The following SMAD6 variants were observed in gnomAD, a reference collection of about 807,000 sequenced individuals.
SMAD6 encodes MAD homolog 6.
Under a neutral mutation model 39.4 loss-of-function variants are expected in SMAD6, and 103 were observed. The ratio of observed to expected loss-of-function variants is 2.62; its 90% CI spans 2.23 to 3.08. The LOEUF is 3.08. Ranked by LOEUF, SMAD6 falls within the 30% of genes most tolerant of loss-of-function variation. The probability of loss-of-function intolerance (pLI) is 0.00; values close to 1 mark genes in which losing one functional copy is unlikely to be tolerated. For synonymous variants in SMAD6, 445 were observed against 353.3 expected, an observed-to-expected ratio of 1.26 and a Z score of -2.91; for missense variants, 1,104 against 742.9, an observed-to-expected ratio of 1.49 and a Z score of -5.65.
intron 3 of SMAD6, among the ~76,000 whole-genome samples, chr15:66,775,350 T>C (rs1037327093): frequency 6.6e-6 from 1 of 152,206 alleles, no homozygotes; most frequent in African/African-American, 2.4e-5. Context: ...TGGCTGGATG[T>C]GCCTAGTTTT....
At chr15:66,740,231 T>C (rs1452833970) in intron 3 of SMAD6, among the ~76,000 whole-genome samples, 1 of 152,224 alleles carries the variant, frequency 6.6e-6, no homozygotes, top group Non-Finnish European at 1.5e-5. Context: ...TGCCCAGTCC[T>C]GTGGACATCC....
At chr15:66,726,637 A>G (rs967879485) in intron 3 of SMAD6, among the ~76,000 whole-genome samples, 5 of 152,026 alleles carry the variant, frequency 3.3e-5, no homozygotes, top group Non-Finnish European at 7.4e-5. Flanking sequence ...CTCTGAGTCT[A>G]AAGGTAGCAC....
At chr15:66,722,655 G>A (rs752495558) in intron 3 of SMAD6, among the ~76,000 whole-genome samples, 4 of 152,176 alleles carry the variant, frequency 2.6e-5, no homozygotes, top group South Asian at 2.1e-4. Flanking sequence ...TCAATCCCTC[G>A]CCATGTGTCT....
At chr15:66,734,229 C>T (rs1310992349) in intron 3 of SMAD6, among the ~76,000 whole-genome samples, 3 of 152,182 alleles carry the variant, frequency 2.0e-5, no homozygotes, top group South Asian at 2.1e-4. Flanking sequence ...CTTGGAAATT[C>T]GGGTTTTGGC....
chr15:66,736,296 C>T (rs1893710997), intron 3 of SMAD6, among the ~76,000 whole-genome samples: 1 of 152,174 alleles, frequency 6.6e-6, no homozygotes. Flanking sequence ...CGTGATGTGT[C>T]CCATCCAATA....
At position 66,781,151 on chromosome 15, in the gene SMAD6, C is replaced by T; in HGVS notation, c.1107C>T (p.Gly369=). ...DLPQGSGFCL[G]QLNLEQRSES... ...CTCAGGGCAGCGGCTTCTGCCTGGG[C>T]CAGCTCAACCTGGAGCAGCGCAGCG... The change falls in exon 4 of 4, where the codon GGC becomes GGT. Residue 369 remains glycine (G), a synonymous_variant. Coordinates refer to ENST00000288840, the MANE Select transcript of SMAD6 (RefSeq NM_005585.5). The T allele has an allele frequency of 6.2e-7, 1 of 1,608,190 alleles. No individual in the cohort carries two copies. Among genetic ancestry groups the T allele is most frequent in the Non-Finnish European group, 8.5e-7 (1 of 1,179,732 alleles).
chr15:66,767,864 AAGGC>A (rs1894314641), intron 3 of SMAD6, among the ~76,000 whole-genome samples: 5 of 152,066 alleles, frequency 3.3e-5, no homozygotes, highest in Non-Finnish European at 7.4e-5. Context: ...TGTATAACAA[AAGGC>A]TATTTTAAAG....
intron 3 of SMAD6, among the ~76,000 whole-genome samples, chr15:66,744,893 C>T (rs1893881304): frequency 6.6e-6 from 1 of 152,196 alleles, no homozygotes; most frequent in Non-Finnish European, 1.5e-5. Flanking sequence ...GACTGAGCCT[C>T]AGTTTTCTTA....
At chr15:66,717,862 A>G (rs756405369) in intron 3 of SMAD6, among the ~76,000 whole-genome samples, 4 of 152,262 alleles carry the variant, frequency 2.6e-5, no homozygotes, top group Non-Finnish European at 4.4e-5. Context: ...TTCCTTCTCT[A>G]ATAATTTATT....
At chr15:66,757,177 GAC>G (rs1894115630) in intron 3 of SMAD6, among the ~76,000 whole-genome samples, 2 of 152,172 alleles carry the variant, frequency 1.3e-5, no homozygotes, top group Admixed American at 6.5e-5. Context: ...GCTGGTGTGA[GAC>G]ACGCAAAACA....
At chr15:66,736,639 T>G (rs561675649) in intron 3 of SMAD6, among the ~76,000 whole-genome samples, 7 of 151,944 alleles carry the variant, frequency 4.6e-5, no homozygotes, top group Non-Finnish European at 8.8e-5. Context: ...AGAGTCCCTG[T>G]TAGACACTCT....
At chr15:66,742,305 CA>C (rs1156374062) in intron 3 of SMAD6, among the ~76,000 whole-genome samples, 1 of 152,156 alleles carries the variant, frequency 6.6e-6, no homozygotes, top group African/African-American at 2.4e-5. Flanking sequence ...ATAATCCCAC[CA>C]ATGTCTGGTT....
chr15:66,773,527 A>T (rs762093471), intron 3 of SMAD6, among the ~76,000 whole-genome samples: 7 of 152,188 alleles, frequency 4.6e-5, no homozygotes, highest in Non-Finnish European at 8.8e-5. Flanking sequence ...TCTAAGTTTG[A>T]TAACAAAAAC....
intron 3 of SMAD6, among the ~76,000 whole-genome samples, chr15:66,743,695 T>G (rs1250304498): frequency 6.6e-6 from 1 of 152,180 alleles, no homozygotes; most frequent in African/African-American, 2.4e-5. Context: ...ATTATATTAT[T>G]CTTCTTAAAA....
chr15:66,742,903 C>T, intron 3 of SMAD6, among the ~76,000 whole-genome samples: 1 of 152,140 alleles, frequency 6.6e-6, no homozygotes, highest in East Asian at 1.9e-4. Context: ...ATCTTCAGCC[C>T]CAAAATCTTC....
intron 2 of SMAD6, among the ~76,000 whole-genome samples, chr15:66,713,846 G>A (rs921244345): frequency 6.6e-6 from 1 of 152,214 alleles, no homozygotes; most frequent in South Asian, 2.1e-4. Flanking sequence ...CATGAATGGG[G>A]GAGCCTTAGT....
chr15:66,736,937 G>A (rs1427851198), intron 3 of SMAD6, among the ~76,000 whole-genome samples: 3 of 152,114 alleles, frequency 2.0e-5, no homozygotes, highest in Non-Finnish European at 4.4e-5. Flanking sequence ...CAAAGTGCTG[G>A]GATTACAGGC....
rs747550378 is a variant in SMAD6 at position 66,703,354 on chromosome 15, C to T, written c.96C>T (p.Gly32=). The change falls in exon 1 of 4, where the codon GGC becomes GGT. Residue 32 remains glycine (G), a synonymous_variant. Transcript: ENST00000288840. ...AAGGCGGCAGCGGCGGCGGCGGTGG[C>T]GGCGACGAGGATGGGAGCTTGGGCA... is the stretch of plus-strand genomic sequence containing the variant. ...REEGGSGGGG[G]GDEDGSLGSR... is the part of the protein sequence containing the mutation. 2 of 1,479,086 alleles carry T rather than the reference C, an allele frequency of 1.4e-6. No homozygotes were observed. The highest frequency in any genetic ancestry group is 2.6e-5 in the South Asian group (2 of 76,464). 91.6% of individuals were successfully genotyped at this position (1,479,086 alleles called of 1,614,324 possible).
intron 3 of SMAD6, among the ~76,000 whole-genome samples, chr15:66,764,091 G>A (rs1043947737): frequency 3.3e-5 from 5 of 152,336 alleles, no homozygotes; most frequent in Admixed American, 6.5e-5. Flanking sequence ...AAAGGATACT[G>A]TCTAAGAAAC....
Sources: allele counts gnomAD v4.1 joint callset (sites outside exome capture counted in the v4.1 genomes callset), GRCh38; gene constraint gnomAD v4.1.1; transcripts MANE v1.5; gene names NCBI Gene and HGNC (gene_info 2026-07-23, HGNC 2026-07-21).